The following DLGAP2 variants were observed in gnomAD, a reference collection of about 807,000 sequenced individuals.
DLGAP2 encodes disks large-associated protein 2.
DLGAP2 carries 26 observed loss-of-function variants against 100.3 expected under a neutral mutation model. The observed-to-expected ratio is 0.26, with a 90% CI of 0.19 to 0.36. The LOEUF (loss-of-function observed/expected upper bound fraction) is 0.36, where lower values mean the gene tolerates loss of function less well. Among genes scored for constraint, DLGAP2 ranks in the 10% least tolerant of loss-of-function variants. The pLI, the probability that DLGAP2 is intolerant of heterozygous loss-of-function variation, is 1.00. For missense variants in DLGAP2, 1,858 were observed against 1,453.2 expected (o/e 1.28, Z -4.53); for synonymous variants, 886 against 630.1 (o/e 1.41, Z -6.08).
At position 854,238 on chromosome 8, in the gene DLGAP2, G is replaced by A. The variant is rs111490482; in HGVS notation, c.19-53674G>A. On this transcript the variant is annotated intron_variant, in intron 1 of 14. Coordinates refer to ENST00000637795, the MANE Select transcript of DLGAP2 (RefSeq NM_001346810.2). ...GGCTCACCACCATGAGGGGGACAGCGCATTGCGGGGTTAGTGGGGCTTGTG... is the reference window on the plus strand; with the variant it reads ...GGCTCACCACCATGAGGGGGACAGCACATTGCGGGGTTAGTGGGGCTTGTG... 2.0e-4 allele frequency among the ~76,000 whole-genome samples: 31 copies of A among 152,294 alleles called. 1 individual carries two copies. The highest frequency in any genetic ancestry group is 6.3e-4 in the African/African-American group (26 of 41,568).
chr8:1,219,898 A>C (rs889244882), intron 2 of DLGAP2, among the ~76,000 whole-genome samples: 3 of 151,804 alleles, frequency 2.0e-5, no homozygotes, highest in African/African-American at 7.3e-5. Context: ...GTTTGTGTGC[A>C]TAGTGGTGTT....
chr8:1,229,874 A>T (rs1196202263), intron 2 of DLGAP2, among the ~76,000 whole-genome samples: 1 of 152,178 alleles, frequency 6.6e-6, no homozygotes, highest in East Asian at 1.9e-4. Flanking sequence ...ATACCTCAAA[A>T]TAATAAGTGC....
At chr8:1,534,146 A>G (rs1452047979) in intron 4 of DLGAP2, among the ~76,000 whole-genome samples, 1 of 152,224 alleles carries the variant, frequency 6.6e-6, no homozygotes, top group Non-Finnish European at 1.5e-5. Flanking sequence ...AAAAGGTAAA[A>G]GAGAAAGATT....
chr8:1,266,357 G>C (rs544273667), intron 3 of DLGAP2, among the ~76,000 whole-genome samples: 7 of 152,208 alleles, frequency 4.6e-5, no homozygotes, highest in African/African-American at 1.4e-4. Flanking sequence ...ATTCACCTGG[G>C]TGATACTCTG....
chr8:1,347,230 C>T lies in DLGAP2; in HGVS notation c.106+88347C>T, dbSNP rs115712515. On this transcript the variant is annotated intron_variant, in intron 3 of 14. Coordinates refer to ENST00000637795, the MANE Select transcript of DLGAP2 (RefSeq NM_001346810.2). ...AGAGTTCCTACACAGAGCTGCATTG[C>T]TCTAATGGTGGCTGTGTGTAGGTTG... Among the ~76,000 whole-genome samples the T allele has an allele frequency of 6.6e-5, 10 of 151,500 alleles. 1 individual carries two copies. The highest frequency in any genetic ancestry group is 1.9e-4 in the African/African-American group (8 of 41,166).
intron 3 of DLGAP2, among the ~76,000 whole-genome samples, chr8:1,364,418 C>T (rs1170921708): frequency 6.6e-6 from 1 of 152,084 alleles, no homozygotes; most frequent in Non-Finnish European, 1.5e-5. Flanking sequence ...CTGGGGGCCT[C>T]CTCCACCCCG....
chr8:1,163,382 T>A (rs7813013), intron 2 of DLGAP2, among the ~76,000 whole-genome samples: 3 of 152,204 alleles, frequency 2.0e-5, no homozygotes, highest in African/African-American at 7.2e-5. Flanking sequence ...GGGTCCGCGG[T>A]TCCGGCTGGA....
intron 2 of DLGAP2, among the ~76,000 whole-genome samples, chr8:955,870 A>C (rs918567864): frequency 6.6e-6 from 1 of 152,180 alleles, no homozygotes; most frequent in African/African-American, 2.4e-5. Flanking sequence ...CCTGGGAACA[A>C]CAAGGGGTGG....
chr8:1,427,803 A>G (rs1279574865), intron 3 of DLGAP2, among the ~76,000 whole-genome samples: 1 of 152,202 alleles, frequency 6.6e-6, no homozygotes, highest in African/African-American at 2.4e-5. Flanking sequence ...AAGTCCAATA[A>G]GTCTCTTTCT....
At chr8:1,312,228 C>T (rs1800629874) in intron 3 of DLGAP2, among the ~76,000 whole-genome samples, 2 of 152,192 alleles carry the variant, frequency 1.3e-5, no homozygotes, top group African/African-American at 4.8e-5. Context: ...AAATATAAAA[C>T]ACAGGGTCTA....
At chr8:1,012,190 C>T (rs551340921) in intron 2 of DLGAP2, among the ~76,000 whole-genome samples, 39 of 152,298 alleles carry the variant, frequency 2.6e-4, no homozygotes, top group African/African-American at 8.9e-4. Context: ...TTTTAATTTT[C>T]GTCCTCACTC....
chr8:1,523,439 C>G (rs559331718), intron 4 of DLGAP2, among the ~76,000 whole-genome samples: 6 of 152,352 alleles, frequency 3.9e-5, no homozygotes, highest in African/African-American at 1.4e-4. Context: ...CAGCCATGCC[C>G]CCACGCAGAC....
chr8:1,655,189 C>T (rs905275773), intron 8 of DLGAP2, among the ~76,000 whole-genome samples: 2 of 152,232 alleles, frequency 1.3e-5, no homozygotes, highest in African/African-American at 4.8e-5. Flanking sequence ...TGTGTGTATG[C>T]TTGTGGGATG....
At chr8:1,684,387 A>G (rs890565690) in intron 12 of DLGAP2, among the ~76,000 whole-genome samples, 7 of 152,032 alleles carry the variant, frequency 4.6e-5, no homozygotes, top group Non-Finnish European at 7.3e-5. Flanking sequence ...AGGTAAGATG[A>G]TAACCTTAAT....
At chr8:1,293,201 T>C (rs970437048) in intron 3 of DLGAP2, among the ~76,000 whole-genome samples, 4 of 152,296 alleles carry the variant, frequency 2.6e-5, no homozygotes, top group African/African-American at 4.8e-5. Context: ...CTTTGTCTTT[T>C]TGTCTCTGTC....
chr8:1,197,696 ACG>A (rs1366370261), intron 2 of DLGAP2, among the ~76,000 whole-genome samples: 2 of 66,036 alleles, frequency 3.0e-5, no homozygotes, highest in Admixed American at 1.6e-4. Context: ...AACCTGAGCC[ACG>A]TCAATGTGGA....
At chr8:1,184,574 G>A (rs968922847) in intron 2 of DLGAP2, among the ~76,000 whole-genome samples, 13 of 152,184 alleles carry the variant, frequency 8.5e-5, no homozygotes, top group African/African-American at 2.7e-4. Flanking sequence ...ACGGGTGGTC[G>A]ACCTGCATCT....
intron 6 of DLGAP2, among the ~76,000 whole-genome samples, chr8:1,572,338 CGTCTTCTGGG>C (rs1802753427): frequency 2.1e-5 from 2 of 96,446 alleles, no homozygotes; most frequent in Non-Finnish European, 4.0e-5. Context: ...ACTGTGGGGG[CGTCTTCTGGG>C]ATGGAGAGGA....
intron 3 of DLGAP2, among the ~76,000 whole-genome samples, chr8:1,339,273 G>C (rs1481217107): frequency 2.8e-5 from 4 of 143,398 alleles, no homozygotes; most frequent in Admixed American, 6.9e-5. Flanking sequence ...CAGGACCCGG[G>C]AGGGAATGCA....
Sources: gnomAD v4.1 joint callset for allele counts (sites outside exome capture counted in the v4.1 genomes callset) on GRCh38, gnomAD v4.1.1 for gene constraint, MANE v1.5 for transcripts, NCBI Gene and HGNC (gene_info 2026-07-23, HGNC 2026-07-21) for gene names.